Variants in MEI1 observed in about 807,000 individuals in gnomAD.
MEI1 encodes meiosis inhibitor protein 1.
MEI1 carries 103 observed loss-of-function variants against 146.2 expected under a neutral mutation model. The observed-to-expected ratio is 0.70, with a 90% confidence interval of 0.60 to 0.83. The LOEUF is 0.83. Ranked by LOEUF, MEI1 falls within the 40% of genes least tolerant of loss-of-function variation. The pLI, the probability that MEI1 is intolerant of heterozygous loss-of-function variation, is 0.00. For missense variants in MEI1, 1,529 were observed against 1,533.0 expected (o/e 1.00, Z 0.04); for synonymous variants, 652 against 628.2 (o/e 1.04, Z -0.57).
At chr22:41,784,954 G>T (rs1020530895) in intron 26 of MEI1, among the ~76,000 whole-genome samples, 171 bp downstream of exon 26, 5 of 115,042 alleles carry the variant, frequency 4.3e-5, no homozygotes, top group African/African-American at 2.2e-4. Context: ...TATTTATTTA[G>T]AGACAGAGTT....
chr22:41,768,407 T>C (rs1258842299), intron 19 of MEI1, among the ~76,000 whole-genome samples: 1 of 141,764 alleles, frequency 7.1e-6, no homozygotes, highest in Admixed American at 7.0e-5. Context: ...AAAAAAAAAA[T>C]GAAATTAAGG....
chr22:41,735,510 G>A (rs1181079386), intron 11 of MEI1, among the ~76,000 whole-genome samples: 1 of 152,164 alleles, frequency 6.6e-6, no homozygotes, highest in Non-Finnish European at 1.5e-5. Context: ...TGGGATTACA[G>A]GCGTGAGCCA....
rs748983877 is a variant in MEI1 at position 41,763,132 on chromosome 22, G to A, written c.2121-42G>A. On this transcript the variant is annotated intron_variant, in intron 18 of 30. Coordinates refer to ENST00000401548, the MANE Select transcript of MEI1 (RefSeq NM_152513.4). Reference sequence around the variant, plus strand: ...GCAGAATAGAAGAGCCCAGTGGCCTGCCAACTCTGCCTTTCTCACTCAGGC... The same window carrying A: ...GCAGAATAGAAGAGCCCAGTGGCCTACCAACTCTGCCTTTCTCACTCAGGC... 13 of 1,604,580 alleles carry A rather than the reference G, an allele frequency of 8.1e-6. No individual in the cohort carries two copies. The African/African-American group carries it at 9.4e-5, about 12-fold the overall frequency.
At chr22:41,783,315 A>G (rs1301448846) in intron 24 of MEI1, among the ~76,000 whole-genome samples, 1 of 151,802 alleles carries the variant, frequency 6.6e-6, no homozygotes, top group Non-Finnish European at 1.5e-5. Context: ...TTTTTCAGAC[A>G]AAGTTTTGCT....
At chr22:41,784,905 A>G (rs190748070) in intron 26 of MEI1, 122 bp downstream of exon 26, 9 of 481,418 alleles carry the variant, frequency 1.9e-5, no homozygotes, top group Non-Finnish European at 2.9e-5. Flanking sequence ...TTTTTAAAAA[A>G]ATTATTTCTA....
chr22:41,795,927 C>T lies in MEI1; in HGVS notation c.3779+80C>T, dbSNP rs546798414. The T allele has an allele frequency of 4.5e-5, 72 of 1,610,378 alleles. No individual in the cohort carries two copies. The East Asian group carries it at 8.3e-4, about 19-fold the overall frequency. On this transcript the variant is annotated intron_variant, in intron 30 of 30. Transcript: ENST00000401548. The surrounding 1 kb of genome is among the most constrained non-coding windows in gnomAD (Gnocchi z 4.2). ...GCTTCTCTTCCTGGGCCAGTTTATG[C>T]GGTACCGGAGTAGCAGTGTCCTCTC...
chr22:41,754,464 C>T (rs1401510846), intron 17 of MEI1, among the ~76,000 whole-genome samples: 2 of 151,968 alleles, frequency 1.3e-5, no homozygotes, highest in African/African-American at 2.4e-5. Context: ...AAGACAGTCT[C>T]GCTCTGTTGC....
intron 19 of MEI1, among the ~76,000 whole-genome samples, chr22:41,768,972 CTT>C (rs747721267): frequency 6.6e-6 from 1 of 152,076 alleles, no homozygotes. Flanking sequence ...AATTGGAAGA[CTT>C]AATAGTTTAA....
chr22:41,726,770 A>G (rs551075994), intron 7 of MEI1, among the ~76,000 whole-genome samples: 105 of 151,632 alleles, frequency 6.9e-4, no homozygotes, highest in Non-Finnish European at 1.2e-3. Context: ...CAAGATAAAG[A>G]TTAATTTCTT....
intron 3 of MEI1, among the ~76,000 whole-genome samples, chr22:41,707,028 C>A (rs1460317544): frequency 7.6e-6 from 1 of 130,892 alleles, no homozygotes; most frequent in Non-Finnish European, 1.6e-5. Context: ...CCATCTCTAC[C>A]AAAAAAAAAA....
At chr22:41,700,119 C>G (rs1214593146) in intron 1 of MEI1, among the ~76,000 whole-genome samples, 1 of 152,196 alleles carries the variant, frequency 6.6e-6, no homozygotes, top group African/African-American at 2.4e-5. Context: ...AGCCTCCACT[C>G]ACCTGCGGGC....
intron 20 of MEI1, 75 bp from the exon 21 acceptor site, chr22:41,776,027 C>T: frequency 1.4e-6 from 2 of 1,458,952 alleles, no homozygotes; most frequent in Non-Finnish European, 9.5e-7. Flanking sequence ...CCTTTTCCTG[C>T]CCCTCTATTC....
intron 30 of MEI1, among the ~76,000 whole-genome samples, 178 bp downstream of exon 30, chr22:41,796,025 A>C (rs1209831042): frequency 6.6e-6 from 1 of 152,110 alleles, no homozygotes; most frequent in Non-Finnish European, 1.5e-5. Flanking sequence ...AAGCTCTCCC[A>C]GGCCATAAGA....
chr22:41,724,201 T>C (rs2071114353), intron 7 of MEI1, 128 bp downstream of exon 7: 1 of 1,193,004 alleles, frequency 8.4e-7, no homozygotes, highest in East Asian at 2.5e-5. Context: ...CAAAATAATA[T>C]ACTGGCTGGG....
intron 22 of MEI1, 149 bp downstream of exon 22, chr22:41,778,961 T>C (rs2075612600): frequency 1.7e-6 from 1 of 604,640 alleles, no homozygotes; most frequent in South Asian, 2.0e-5. Flanking sequence ...GTTTTCTTGC[T>C]AAAGGACCTC....
chr22:41,730,653 C>A lies in MEI1; in HGVS notation c.1096+16C>A. ...ACGGTGTATGGTTGGTAGTAAGGGT[C>A]CTGTACTAGCTTTGGGTTGGGTGGA... is the stretch of plus-strand genomic sequence containing the variant. On this transcript the variant is annotated intron_variant, in intron 9 of 30. Transcript: ENST00000401548. 1.9e-6 allele frequency: 3 copies of A among 1,570,058 alleles called. No homozygotes were observed. The highest frequency in any genetic ancestry group is 2.6e-6 in the Non-Finnish European group (3 of 1,140,138).
chr22:41,701,009 A>G (rs1232279827), intron 1 of MEI1, among the ~76,000 whole-genome samples: 1 of 144,560 alleles, frequency 6.9e-6, no homozygotes, highest in African/African-American at 2.6e-5. Context: ...GCGCAATCTC[A>G]GCTCACCGCA....
At chr22:41,747,974 C>CT (rs1601904118) in intron 14 of MEI1, 133 bp from the exon 15 acceptor site, 6 of 652,578 alleles carry the variant, frequency 9.2e-6, no homozygotes, top group Non-Finnish European at 1.4e-5. Context: ...TAGGTTTGGA[C>CT]TTTAAGTTCC....
intron 11 of MEI1, among the ~76,000 whole-genome samples, chr22:41,734,393 G>C (rs1401883009): frequency 6.6e-6 from 1 of 152,070 alleles, no homozygotes; most frequent in Non-Finnish European, 1.5e-5. Flanking sequence ...AGGAGTTCAA[G>C]ACCAGCCTGG....
Sources: allele counts gnomAD v4.1 joint callset (sites outside exome capture counted in the v4.1 genomes callset), GRCh38; gene constraint gnomAD v4.1.1; non-coding constraint Gnocchi (gnomAD v3.1); transcripts MANE v1.5; gene names NCBI Gene and HGNC (gene_info 2026-07-23, HGNC 2026-07-21).